Variants in CELF4 observed in about 807,000 individuals in gnomAD.
The protein encoded by CELF4 is CUG-BP- and ETR-3-like factor 4.
Under a neutral mutation model 59.9 loss-of-function variants are expected in CELF4, and 18 were observed. The ratio of observed to expected loss-of-function variants is 0.30; its 90% CI spans 0.21 to 0.45. The LOEUF (loss-of-function observed/expected upper bound fraction) is 0.45. CELF4 is among the 20% of genes least tolerant of loss of function. The pLI, the probability that CELF4 is intolerant of heterozygous loss-of-function variation, is 1.00. For missense variants in CELF4, 456 were observed against 689.0 expected (o/e 0.66, Z 3.79); for synonymous variants, 261 against 267.1 (o/e 0.98, Z 0.22).
At chr18:37,553,402 G>A (rs997006174) in intron 1 of CELF4, among the ~76,000 whole-genome samples, 1 of 152,156 alleles carries the variant, frequency 6.6e-6, no homozygotes, top group East Asian at 1.9e-4. Context: ...TGCCACGTGT[G>A]TGCGTCTTGT....
chr18:37,251,649 G>A (rs1268699326), intron 12 of CELF4, among the ~76,000 whole-genome samples: 4 of 152,142 alleles, frequency 2.6e-5, no homozygotes, highest in Admixed American at 2.6e-4. Context: ...CACCTTAATG[G>A]CAGAGCTATG....
intron 2 of CELF4, among the ~76,000 whole-genome samples, chr18:37,469,243 A>G (rs1245825299): frequency 2.6e-5 from 4 of 152,144 alleles, no homozygotes; most frequent in Admixed American, 1.3e-4. Flanking sequence ...TCATGACGGC[A>G]GGGGCATCTA....
chr18:37,556,431 G>A (rs1213722083), intron 1 of CELF4, among the ~76,000 whole-genome samples: 4 of 152,232 alleles, frequency 2.6e-5, no homozygotes, highest in Non-Finnish European at 5.9e-5. Flanking sequence ...AGCCTGGCAT[G>A]CCAGCAGGCC....
chr18:37,446,577 G>C lies in CELF4; in HGVS notation c.369+38948C>G, dbSNP rs185392193. ...CAGCCCCCAGTGTGTAGGGTTAAAT[G>C]AGAGTCCATGTAATGCACTGGACAC... On this transcript the variant is annotated intron_variant, in intron 2 of 12. Transcript: ENST00000420428. Among the ~76,000 whole-genome samples the C allele has an allele frequency of 2.6e-3, 389 of 152,336 alleles. 9 individuals carry two copies. Among genetic ancestry groups the C allele is most frequent in the Admixed American group, 0.023 (352 of 15,310 alleles).
chr18:37,300,631 T>C (rs186691937), intron 3 of CELF4, among the ~76,000 whole-genome samples: 63 of 152,332 alleles, frequency 4.1e-4, no homozygotes, highest in African/African-American at 1.4e-3. Flanking sequence ...ATTGCCAAGA[T>C]ACAGAGAGGA....
At chr18:37,292,998 G>T (rs1009826875) in intron 3 of CELF4, among the ~76,000 whole-genome samples, 28 of 152,206 alleles carry the variant, frequency 1.8e-4, no homozygotes, top group African/African-American at 6.8e-4. Flanking sequence ...AAAACTCAGG[G>T]CTGTCTGATG....
chr18:37,319,080 C>G (rs956757202), intron 3 of CELF4, among the ~76,000 whole-genome samples: 1 of 152,240 alleles, frequency 6.6e-6, no homozygotes, highest in Non-Finnish European at 1.5e-5. Flanking sequence ...ACTATCCCAG[C>G]TTTCCTGCCC....
chr18:37,304,105 T>C (rs928383019), intron 3 of CELF4, among the ~76,000 whole-genome samples: 1 of 152,218 alleles, frequency 6.6e-6, no homozygotes, highest in Admixed American at 6.5e-5. Context: ...ATGAATACAC[T>C]GGCTATTTGT....
intron 2 of CELF4, among the ~76,000 whole-genome samples, chr18:37,359,064 C>A (rs2098655878): frequency 6.6e-6 from 1 of 152,174 alleles, no homozygotes; most frequent in Admixed American, 6.5e-5. Context: ...CCCCACTGTA[C>A]TCCAGCCTGG....
intron 2 of CELF4, among the ~76,000 whole-genome samples, chr18:37,407,140 C>T (rs1286857342): frequency 2.0e-5 from 3 of 152,156 alleles, no homozygotes; most frequent in South Asian, 4.1e-4. Flanking sequence ...CACTTTCCTC[C>T]CTTACAAGAC....
chr18:37,301,140 A>T (rs991013882), intron 3 of CELF4, among the ~76,000 whole-genome samples: 1 of 152,170 alleles, frequency 6.6e-6, no homozygotes, highest in Admixed American at 6.5e-5. Flanking sequence ...GTGGGCAGGG[A>T]TGGAGGAGAG....
At chr18:37,302,378 C>G (rs976817356) in intron 3 of CELF4, among the ~76,000 whole-genome samples, 1 of 152,220 alleles carries the variant, frequency 6.6e-6, no homozygotes, top group Non-Finnish European at 1.5e-5. Context: ...CCTCACACTG[C>G]CTCTGTCCCC....
intron 2 of CELF4, 110 bp from the exon 3 acceptor site, chr18:37,321,991 A>G: frequency 2.7e-6 from 2 of 730,748 alleles, no homozygotes; most frequent in Non-Finnish European, 4.4e-6. Flanking sequence ...GCACCCACAG[A>G]CACGCGCTCC....
At chr18:37,466,043 C>T (rs976156129) in intron 2 of CELF4, among the ~76,000 whole-genome samples, 3 of 152,222 alleles carry the variant, frequency 2.0e-5, no homozygotes, top group Non-Finnish European at 4.4e-5. Flanking sequence ...GTTCCTTCTT[C>T]AGCTCGCCTC....
rs1052344019 is a variant in CELF4 at position 37,253,011 on chromosome 18, T to TC, written c.*44+755dup. On this transcript the variant is annotated intron_variant, in intron 12 of 12. Transcript: ENST00000420428. This position sits in a 1 kb window ranked among gnomAD's most constrained non-coding sequence, Gnocchi z 4.5. ...TTGACTTTTGATGTCCTGGGGAATC[T>TC]CCCCCCATTCTTTCTGCAGGAAGAA... Among the ~76,000 whole-genome samples the TC allele has an allele frequency of 6.6e-6, 1 of 151,682 alleles. No homozygotes were observed. The highest frequency in any genetic ancestry group is 2.4e-5 in the African/African-American group (1 of 41,158).
chr18:37,405,868 G>C (rs2099385107), intron 2 of CELF4, among the ~76,000 whole-genome samples: 1 of 152,086 alleles, frequency 6.6e-6, no homozygotes, highest in East Asian at 1.9e-4. Context: ...ATGGGGTGGT[G>C]GTGGGGGGCT....
chr18:37,391,005 G>C (rs1041225125), intron 2 of CELF4, among the ~76,000 whole-genome samples: 1 of 152,156 alleles, frequency 6.6e-6, no homozygotes, highest in Non-Finnish European at 1.5e-5. Flanking sequence ...AACTTTGTCA[G>C]CTGTCACAGC....
Position 37,274,318 on chromosome 18 carries a change from G to C in CELF4, c.794C>G (p.Ala265Gly), listed in dbSNP as rs777095767. The change falls in exon 6 of 13, where the codon GCT (alanine) becomes GGT (glycine). Residue 265 changes from alanine (A) to glycine (G), a missense_variant. Around this residue, in one of 7 missense-constraint regions of CELF4, gnomAD observed 256 missense variants for 340.8 expected, o/e 0.75. Coordinates refer to ENST00000420428, the MANE Select transcript of CELF4 (RefSeq NM_020180.4). Reference protein sequence around the residue: ...AIPFGAYGAYAQALMQQQAAL... With the variant: ...AIPFGAYGAYGQALMQQQAAL... ...GTGCGCGCTGCCACTTACTGCCTGAGCGTAGGCGCCGTAGGCCCCGAAAGG... is the reference window on the plus strand; with the variant it reads ...GTGCGCGCTGCCACTTACTGCCTGACCGTAGGCGCCGTAGGCCCCGAAAGG... 16 of 1,612,644 alleles carry C rather than the reference G, an allele frequency of 9.9e-6. No homozygotes were observed. Among genetic ancestry groups the C allele is most frequent in the Non-Finnish European group, 1.4e-5 (16 of 1,179,676 alleles).
intron 2 of CELF4, among the ~76,000 whole-genome samples, chr18:37,395,646 T>G (rs1441341858): frequency 2.0e-5 from 3 of 152,240 alleles, no homozygotes; most frequent in Admixed American, 2.0e-4. Context: ...TGTCATCTTG[T>G]TTCTTGCCTG....
Sources: allele counts gnomAD v4.1 joint callset (sites outside exome capture counted in the v4.1 genomes callset), GRCh38; gene constraint gnomAD v4.1.1; regional missense constraint gnomAD v4.1.1; non-coding constraint Gnocchi (gnomAD v3.1); transcripts MANE v1.5; gene names NCBI Gene and HGNC (gene_info 2026-07-23, HGNC 2026-07-21).